Variants in CRX observed in about 807,000 individuals in gnomAD.
CRX encodes the protein cone-rod homeobox protein.
CRX carries 5 observed loss-of-function variants against 13.1 expected under a neutral mutation model. The ratio of observed to expected loss-of-function variants is 0.38; its 90% confidence interval spans 0.20 to 0.80. The LOEUF is 0.80. CRX is among the 30% of genes least tolerant of loss of function. The pLI is 0.43. For synonymous variants in CRX, 179 were observed against 171.1 expected (o/e 1.05, Z -0.36); for missense variants, 351 against 391.8 (o/e 0.90, Z 0.88).
intron 2 of CRX, among the ~76,000 whole-genome samples, chr19:47,835,620 G>GTTTTTT (rs34872129): frequency 9.8e-6 from 1 of 102,194 alleles, no homozygotes; most frequent in African/African-American, 4.1e-5. Flanking sequence ...TTTAGCTCTT[G>GTTTTTT]TTTTTTTTTT....
rs59471457 is a variant in CRX at position 47,828,893 on chromosome 19, A to AACAC, written c.-35-5470_-35-5467dup. Among the ~76,000 whole-genome samples the AACAC allele has an allele frequency of 5.1e-3, 686 of 134,110 alleles. 7 individuals carry two copies. The highest frequency in any genetic ancestry group is 0.017 in the East Asian group (74 of 4,320). The allele number at this position is 134,110 out of a possible 152,430, so 88.0% of individuals were successfully genotyped here. A position where few individuals can be genotyped will look rare whatever the true frequency, so the allele number is the denominator to read the frequency against. ...TATTGTTGTTTTTGCTTTTGACAAG[A>AACAC]ACACACACACACACACACACACACA... On this transcript the variant is annotated intron_variant, in intron 1 of 3. Coordinates refer to ENST00000221996, the MANE Select transcript of CRX (RefSeq NM_000554.6).
intron 1 of CRX, among the ~76,000 whole-genome samples, chr19:47,832,521 C>T (rs576864717): frequency 1.9e-4 from 29 of 151,338 alleles, no homozygotes; most frequent in African/African-American, 2.9e-4. Flanking sequence ...AGACGGAGTC[C>T]GTAGCCCAGG....
intron 1 of CRX, among the ~76,000 whole-genome samples, chr19:47,826,082 C>T (rs1188471384): frequency 6.6e-6 from 1 of 152,212 alleles, no homozygotes; most frequent in Non-Finnish European, 1.5e-5. Flanking sequence ...TGCAAATGGT[C>T]CCCAGTGGGG....
At chr19:47,822,830 G>C (rs1227906489) in intron 1 of CRX, among the ~76,000 whole-genome samples, 8 of 152,040 alleles carry the variant, frequency 5.3e-5, no homozygotes, top group African/African-American at 1.7e-4. Flanking sequence ...GTCTTGCTCT[G>C]TTGCCCAAGC....
chr19:47,822,600 T>C (rs943422137), intron 1 of CRX, among the ~76,000 whole-genome samples: 14 of 152,200 alleles, frequency 9.2e-5, no homozygotes, highest in Non-Finnish European at 1.6e-4. Flanking sequence ...CCGGGTGGAC[T>C]TGGGCCTGCC....
chr19:47,833,259 GTT>G (rs1968076567), intron 1 of CRX, among the ~76,000 whole-genome samples: 3 of 144,150 alleles, frequency 2.1e-5, no homozygotes, highest in Admixed American at 7.0e-5. Flanking sequence ...TTTTTTGTTT[GTT>G]TTTGTTTTTG....
At chr19:47,829,610 C>T (rs991972758) in intron 1 of CRX, among the ~76,000 whole-genome samples, 6 of 151,884 alleles carry the variant, frequency 4.0e-5, no homozygotes, top group East Asian at 3.9e-4. Flanking sequence ...GCATTACAGG[C>T]GTGAGCAACT....
intron 1 of CRX, among the ~76,000 whole-genome samples, chr19:47,827,103 T>C (rs984354310): frequency 6.6e-6 from 1 of 152,174 alleles, no homozygotes; most frequent in African/African-American, 2.4e-5. Flanking sequence ...AGCCAGCTTG[T>C]TAGTAGGGAC....
intron 1 of CRX, among the ~76,000 whole-genome samples, chr19:47,828,000 A>C (rs1418780338): frequency 6.7e-6 from 1 of 148,244 alleles, no homozygotes; most frequent in Non-Finnish European, 1.5e-5. Context: ...CTAAAAATAC[A>C]AAAATTAGCC....
At chr19:47,838,783 GCA>G (rs1254122553) in intron 3 of CRX, among the ~76,000 whole-genome samples, 1 of 151,932 alleles carries the variant, frequency 6.6e-6, no homozygotes, top group Non-Finnish European at 1.5e-5. Flanking sequence ...ATGGGTAAAT[GCA>G]GGCATGATGT....
rs1216345274 is a variant in CRX, at chr19:47,839,238, G to A, written c.253-82G>A. ...TGAACCCAGCACCTCTCACCAATAA[G>A]TGTCCTCATCCCCGGGCACCCTGCG... On this transcript the variant is annotated intron_variant, in intron 3 of 3. Coordinates refer to ENST00000221996, the MANE Select transcript of CRX (RefSeq NM_000554.6). The surrounding 1 kb of genome is among the most constrained non-coding windows in gnomAD (Gnocchi z 4.6). 9.6e-6 allele frequency: 14 copies of A among 1,451,438 alleles called. No homozygotes were observed. The highest frequency in any genetic ancestry group is 1.1e-5 in the Non-Finnish European group (12 of 1,067,548). The allele number at this position is 1,451,438 out of a possible 1,614,324, so 89.9% of individuals were successfully genotyped here.
chr19:47,832,412 TA>T (rs931438094), intron 1 of CRX, among the ~76,000 whole-genome samples: 85 of 150,682 alleles, frequency 5.6e-4, no homozygotes, highest in African/African-American at 1.5e-3. Flanking sequence ...AGGCTTACTT[TA>T]AAAAAAAAAT....
intron 2 of CRX, 70 bp downstream of exon 2, chr19:47,834,613 G>A: frequency 7.6e-7 from 1 of 1,316,828 alleles, no homozygotes; most frequent in Non-Finnish European, 1.1e-6. Context: ...GGGTCCCTTT[G>A]CCCCCAGGAA....
At position 47,821,941 on chromosome 19, in the gene CRX, C is replaced by T. The variant is rs1469748762; in HGVS notation, c.-105C>T. The T allele has an allele frequency of 6.5e-6, 1 of 152,734 alleles. No individual in the cohort carries two copies. The highest frequency in any genetic ancestry group is 2.4e-5 in the African/African-American group (1 of 41,464). 9.5% of individuals were successfully genotyped at this position (152,734 alleles called of 1,614,324 possible). A position where few individuals can be genotyped will look rare whatever the true frequency, so the allele number is the denominator to read the frequency against. On this transcript the variant is annotated 5_prime_UTR_variant, in exon 1 of 4. Transcript: ENST00000221996. ...CCCATGTGAGGGGATGTGTTTCCTT[C>T]AGCCTCTGCTGTCTGGCCGCTCTGT...
chr19:47,839,992 A>G lies in CRX; in HGVS notation c.*25A>G, dbSNP rs778106655. 1.1e-5 allele frequency: 17 copies of G among 1,610,188 alleles called. No homozygotes were observed. Among genetic ancestry groups the G allele is most frequent in the South Asian group, 2.2e-5 (2 of 91,044 alleles). ...GAGGACGCAGTCTCCATCTCTCTCC[A>G]TCGGGCCTCGGGACCCTTTCTCTTC... On this transcript the variant is annotated 3_prime_UTR_variant, in exon 4 of 4. Transcript: ENST00000221996. This position sits in a 1 kb window ranked among gnomAD's most constrained non-coding sequence, Gnocchi z 4.6.
At position 47,838,449 on chromosome 19, in the gene CRX, AATGT is replaced by A. The variant is rs1031195094; in HGVS notation, c.253-860_253-857del. 1.3e-3 allele frequency among the ~76,000 whole-genome samples: 196 copies of A among 152,208 alleles called. 1 individual carries two copies. The highest frequency in any genetic ancestry group is 4.3e-3 in the African/African-American group (180 of 41,530). Reference sequence around the variant, plus strand: ...ATATATGTATGATGTATGTGTGTACAATGTATGTATGTATAATTGTATGTTTGTA... The same window carrying A: ...ATATATGTATGATGTATGTGTGTACAATGTATGTATAATTGTATGTTTGTA... On this transcript the variant is annotated intron_variant, in intron 3 of 3. Coordinates refer to ENST00000221996, the MANE Select transcript of CRX (RefSeq NM_000554.6).
intron 1 of CRX, among the ~76,000 whole-genome samples, chr19:47,831,303 T>A (rs1599977061): frequency 1.4e-5 from 1 of 69,882 alleles, no homozygotes; most frequent in East Asian, 2.4e-4. Flanking sequence ...CAAGACTCTG[T>A]CTCAAAAAAA....
intron 1 of CRX, among the ~76,000 whole-genome samples, chr19:47,823,084 C>T (rs1466200557): frequency 6.6e-6 from 1 of 152,146 alleles, no homozygotes; most frequent in African/African-American, 2.4e-5. Context: ...GTATGAGCCT[C>T]TGCGCCCAGC....
At chr19:47,837,070 G>A (rs1968126411) in intron 3 of CRX, among the ~76,000 whole-genome samples, 1 of 152,160 alleles carries the variant, frequency 6.6e-6, no homozygotes. Context: ...ACGCACATAG[G>A]TATGATTAGA....
Sources: gnomAD v4.1 joint callset for allele counts (sites outside exome capture counted in the v4.1 genomes callset) on GRCh38, gnomAD v4.1.1 for gene constraint, Gnocchi (gnomAD v3.1) non-coding constraint, MANE v1.5 for transcripts, NCBI Gene and HGNC (gene_info 2026-07-23, HGNC 2026-07-21) for gene names.